FSIP2: variants seen among roughly 807,000 people sequenced by gnomAD.
FSIP2 encodes the protein fibrous sheath interacting protein 2, also known as fibrous sheath-interacting protein 2.
FSIP2 carries 367 observed loss-of-function variants against 510.5 expected under a neutral mutation model. The ratio of observed to expected loss-of-function variants is 0.72; its 90% confidence interval spans 0.66 to 0.78. The LOEUF (loss-of-function observed/expected upper bound fraction) is 0.78, where lower values mean the gene tolerates loss of function less well. FSIP2 is among the 30% of genes least tolerant of loss of function. FSIP2 has a pLI of 0.00. For synonymous variants in FSIP2, 2,601 were observed against 2,732.2 expected (o/e 0.95, Z 1.50); for missense variants, 7,594 against 7,901.7 (o/e 0.96, Z 1.48).
chr2:185,796,244 C>CA lies in FSIP2; in HGVS notation c.9115dup (p.Met3039AsnfsTer13), dbSNP rs1325789482. 7 of 1,529,988 alleles carry CA rather than the reference C, an allele frequency of 4.6e-6. No individual in the cohort carries two copies. The highest frequency in any genetic ancestry group is 2.0e-5 in the Admixed American group (1 of 49,950). The allele number at this position is 1,529,988 out of a possible 1,614,324, so 94.8% of individuals were successfully genotyped here. Reference sequence around the variant, plus strand: ...CTTCTATCCAACAGAAACTGTTAAACAAAAAAATGTTGCCAAAATTACAAC... The same window carrying CA: ...CTTCTATCCAACAGAAACTGTTAAACAAAAAAAATGTTGCCAAAATTACAAC... On this transcript the variant is annotated frameshift_variant, in exon 16 of 23. Transcript: ENST00000424728. LOFTEE classifies it high-confidence loss of function.
At chr2:185,759,518 TATAAG>T (rs1197019962) in intron 9 of FSIP2, among the ~76,000 whole-genome samples, 4 of 144,188 alleles carry the variant, frequency 2.8e-5, no homozygotes, top group Non-Finnish European at 4.6e-5. Flanking sequence ...GTATATAATA[TATAAG>T]ATAATTAACT....
chr2:185,796,539 T>A lies in FSIP2; in HGVS notation c.9403T>A (p.Ser3135Thr), dbSNP rs1693283439. 1 of 1,535,002 alleles carries A rather than the reference T, an allele frequency of 6.5e-7. No homozygotes were observed. The highest frequency in any genetic ancestry group is 8.7e-7 in the Non-Finnish European group (1 of 1,146,258). ...LMDQCTYFNE[S>T]LIQNLSRESL... ...GGACCAGTGTACTTATTTCAATGAG[T>A]CTTTGATACAAAACCTTTCAAGAGA... is the stretch of plus-strand genomic sequence containing the variant. Residue 3135 changes from serine to threonine, a missense_variant, in exon 16 of 23, where the codon TCT (serine) becomes ACT (threonine). Coordinates refer to ENST00000424728, the MANE Select transcript of FSIP2 (RefSeq NM_173651.4).
chr2:185,747,452 G>A, intron 7 of FSIP2, 29 bp downstream of exon 7: 2 of 1,237,860 alleles, frequency 1.6e-6, no homozygotes, highest in Non-Finnish European at 2.3e-6. Context: ...TCTAACTTGA[G>A]CTGTTCGAAG....
In FSIP2 at chr2:185,794,186, A is replaced by G. The variant is rs371087981; in HGVS notation, c.7050A>G (p.Thr2350=). 3.9e-4 allele frequency: 593 copies of G among 1,534,686 alleles called. 11 individuals are homozygous for G. In the South Asian group the frequency reaches 6.6e-3, roughly 17 times the overall value. ...ACCTATCGCAAGCTAGGCTTAAGACATATGCTGACGTCATTGCCAGTGCCA... is the reference window on the plus strand; with the variant it reads ...ACCTATCGCAAGCTAGGCTTAAGACGTATGCTGACGTCATTGCCAGTGCCA... ...TIHLSQARLK[T]YADVIASAIL... Residue 2350 remains threonine, a synonymous_variant, in exon 16 of 23, where the codon ACA becomes ACG. Coordinates refer to ENST00000424728, the MANE Select transcript of FSIP2 (RefSeq NM_173651.4).
In FSIP2 at chr2:185,799,707, G is replaced by A. The variant is rs1252061708; in HGVS notation, c.10401G>A (p.Glu3467=). Residue 3467 remains glutamate (E), a synonymous_variant, in exon 17 of 23, where the codon GAG becomes GAA. Transcript: ENST00000424728. ...GTTTCCTTTTTTAAGTTTTTAGTGA[G>A]GAAAAGATGTCTGTTTCTACATGGT... is the stretch of plus-strand genomic sequence containing the variant. ...LKNFETTVFS[E]EKMSVSTWSR... 1 of 1,312,454 alleles carries A rather than the reference G, an allele frequency of 7.6e-7. No individual in the cohort carries two copies. Among genetic ancestry groups the A allele is most frequent in the Admixed American group, 3.2e-5 (1 of 31,708 alleles). The allele number at this position is 1,312,454 out of a possible 1,614,324, so 81.3% of individuals were successfully genotyped here.
rs748252915 is a variant in FSIP2, at chr2:185,792,418, C to A, written c.5282C>A (p.Thr1761Asn). The A allele has an allele frequency of 1.2e-5, 19 of 1,533,654 alleles. No homozygotes were observed. Among genetic ancestry groups the A allele is most frequent in the Non-Finnish European group, 1.7e-5 (19 of 1,145,292 alleles). ...CTTAAACAATGGGCTCTCGAAAAAA[C>A]CTTAAACAAAATTGAAGTAAAACTC... ...RSLKQWALEK[T>N]LNKIEVKLKE... The change falls in exon 16 of 23, where the codon ACC (threonine) becomes AAC (asparagine). Residue 1761 changes from threonine to asparagine, a missense_variant. Physicochemically the swap from Thr to Asn is moderately conservative, Grantham distance 65. Transcript: ENST00000424728.
At chr2:185,751,151 C>G (rs1017347170) in intron 7 of FSIP2, among the ~76,000 whole-genome samples, 1 of 151,382 alleles carries the variant, frequency 6.6e-6, no homozygotes, top group Admixed American at 6.6e-5. Context: ...TTTCTGTCTA[C>G]TTGTTCTCTC....
rs1693379352 is a variant in FSIP2, at chr2:185,799,724, C to G, written c.10418C>G (p.Ser3473Cys). Residue 3473 changes from serine (S) to cysteine (C), a missense_variant, in exon 17 of 23, where the codon TCT (serine) becomes TGT (cysteine). Physicochemically the swap from Ser to Cys is moderately radical, Grantham distance 112. Coordinates refer to ENST00000424728, the MANE Select transcript of FSIP2 (RefSeq NM_173651.4). ...TTTAGTGAGGAAAAGATGTCTGTTT[C>G]TACATGGTCAAGGAAAAAATATGAA... Reference protein sequence around the residue: ...TVFSEEKMSVSTWSRKKYESK... With the variant: ...TVFSEEKMSVCTWSRKKYESK... 7.1e-7 allele frequency: 1 copy of G among 1,413,546 alleles called. No homozygotes were observed. The highest frequency in any genetic ancestry group is 1.4e-5 in the African/African-American group (1 of 69,346). The allele number at this position is 1,413,546 out of a possible 1,614,324, so 87.6% of individuals were successfully genotyped here.
At chr2:185,821,942 A>C (rs1693928459) in intron 19 of FSIP2, among the ~76,000 whole-genome samples, 1 of 149,836 alleles carries the variant, frequency 6.7e-6, no homozygotes. Context: ...AAAAAAAAAA[A>C]ATCGATGTAA....
intron 21 of FSIP2, 84 bp from the exon 22 acceptor site, chr2:185,831,729 T>C (rs1694112417): frequency 2.5e-6 from 2 of 805,146 alleles, no homozygotes; most frequent in Admixed American, 1.8e-5. Flanking sequence ...TATAGGTATA[T>C]CTAGTGGATT....
At chr2:185,779,517 G>A (rs763845382) in intron 13 of FSIP2, among the ~76,000 whole-genome samples, 3 of 151,882 alleles carry the variant, frequency 2.0e-5, no homozygotes, top group East Asian at 3.9e-4. Context: ...TGTGTTGAAC[G>A]CTGTAAATTT....
At chr2:185,822,663 C>T (rs73047315) in intron 19 of FSIP2, among the ~76,000 whole-genome samples, 1 of 151,628 alleles carries the variant, frequency 6.6e-6, no homozygotes, top group African/African-American at 2.4e-5. Flanking sequence ...TCAATGGAAT[C>T]CTTATCAAAA....
intron 9 of FSIP2, among the ~76,000 whole-genome samples, chr2:185,759,640 GTTATATATTATATATA>G (rs1692311577): frequency 6.9e-6 from 1 of 144,468 alleles, no homozygotes; most frequent in Admixed American, 7.0e-5. Context: ...TAATAATATT[GTTATATATTATATATA>G]TTATATATTA....
intron 19 of FSIP2, among the ~76,000 whole-genome samples, chr2:185,823,030 C>T (rs538540166): frequency 6.6e-6 from 1 of 151,832 alleles, no homozygotes; most frequent in South Asian, 2.1e-4. Context: ...TGAAGGTGAA[C>T]CCTTACCTTA....
chr2:185,789,363 G>T lies in FSIP2; in HGVS notation c.2227G>T (p.Glu743Ter). 1.3e-6 allele frequency: 2 copies of T among 1,534,990 alleles called. No individual in the cohort carries two copies. Among genetic ancestry groups the T allele is most frequent in the Non-Finnish European group, 1.7e-6 (2 of 1,145,960 alleles). ...VFVEQCEREK[E>*]ILLSNAHIPS... ...TGTTGAACAATGTGAACGTGAAAAA[G>T]AAATCTTGCTTTCCAATGCTCATAT... Residue 743 changes from glutamate (E) to a stop codon, truncating the protein, a stop_gained, in exon 16 of 23, where the codon GAA becomes TAA. Transcript: ENST00000424728. LOFTEE classifies it high-confidence loss of function.
chr2:185,805,712 T>C lies in FSIP2; in HGVS notation c.16406T>C (p.Met5469Thr). The change falls in exon 17 of 23, where the codon ATG becomes ACG. Residue 5469 changes from methionine to threonine, a missense_variant. Physicochemically the swap from Met to Thr is moderately conservative, Grantham distance 81 (BLOSUM62 -1). Transcript: ENST00000424728. ...MSTLEINRGTMNRKKSFKTKD... is the reference protein window; with the variant it reads ...MSTLEINRGTTNRKKSFKTKD... Reference sequence around the variant, plus strand: ...ACTTTGGAAATAAATAGAGGTACAATGAATAGAAAGAAAAGTTTTAAAACC... The same window carrying C: ...ACTTTGGAAATAAATAGAGGTACAACGAATAGAAAGAAAAGTTTTAAAACC... The C allele has an allele frequency of 6.2e-7, 1 of 1,607,746 alleles. No individual in the cohort carries two copies. Among genetic ancestry groups the C allele is most frequent in the East Asian group, 2.2e-5 (1 of 44,728 alleles).
rs201504409 is a variant in FSIP2 at position 185,802,349 on chromosome 2, A to G, written c.13043A>G (p.Lys4348Arg). Reference sequence around the variant, plus strand: ...AACTCCATAAATAGGCATTTCAATAAAGCTAAAATTCACATTCTCTATGAT... The same window carrying G: ...AACTCCATAAATAGGCATTTCAATAGAGCTAAAATTCACATTCTCTATGAT... ...IVNSINRHFN[K>R]AKIHILYDDK... Residue 4348 changes from lysine to arginine, a missense_variant, in exon 17 of 23, where the codon AAA becomes AGA. By Grantham distance (26) the Lys-to-Arg change is conservative (BLOSUM62 2). Coordinates refer to ENST00000424728, the MANE Select transcript of FSIP2 (RefSeq NM_173651.4). The G allele has an allele frequency of 1.4e-4, 213 of 1,533,124 alleles. No homozygotes were observed. Among genetic ancestry groups the G allele is most frequent in the African/African-American group, 1.9e-4 (14 of 72,778 alleles). The allele number at this position is 1,533,124 out of a possible 1,614,324, so 95.0% of individuals were successfully genotyped here. A position where few individuals can be genotyped will look rare whatever the true frequency, so the allele number is the denominator to read the frequency against.
intron 16 of FSIP2, among the ~76,000 whole-genome samples, chr2:185,799,273 T>A (rs1693367185): frequency 6.6e-6 from 1 of 151,852 alleles, no homozygotes; most frequent in Non-Finnish European, 1.5e-5. Flanking sequence ...CTTAATGTCC[T>A]AAAAGTAAAA....
chr2:185,773,778 T>G (rs1181910913), intron 13 of FSIP2, among the ~76,000 whole-genome samples: 1 of 152,236 alleles, frequency 6.6e-6, no homozygotes, highest in Non-Finnish European at 1.5e-5. Context: ...ACTAATATTT[T>G]TCCTAGCTAT....
Sources: gnomAD v4.1 joint callset for allele counts (sites outside exome capture counted in the v4.1 genomes callset) on GRCh38, gnomAD v4.1.1 for gene constraint, MANE v1.5 for transcripts, NCBI Gene and HGNC (gene_info 2026-07-23, HGNC 2026-07-21) for gene names.